The following FRMD4A variants were observed in gnomAD, a reference collection of about 807,000 sequenced individuals.
FRMD4A encodes FERM domain-containing protein 4A.
In FRMD4A, 29 loss-of-function variants were observed where a neutral mutation model predicts 129.1. That is an observed-to-expected ratio of 0.22 (90% CI 0.17 to 0.31). FRMD4A has a LOEUF of 0.31. Among genes scored for constraint, FRMD4A ranks in the 10% least tolerant of loss-of-function variants. The probability of loss-of-function intolerance (pLI) is 1.00; values close to 1 mark genes in which losing one functional copy is unlikely to be tolerated. For missense variants in FRMD4A, 1,272 were observed against 1,375.8 expected (o/e 0.92, Z 1.19); for synonymous variants, 634 against 571.6 (o/e 1.11, Z -1.56).
chr10:13,824,489 C>G (rs1403448828), intron 3 of FRMD4A, among the ~76,000 whole-genome samples: 2 of 151,318 alleles, frequency 1.3e-5, no homozygotes, highest in Non-Finnish European at 2.9e-5. Context: ...GACTCTATCT[C>G]AAAACAAAAA....
At chr10:14,007,819 T>G (rs1367690071) in intron 2 of FRMD4A, among the ~76,000 whole-genome samples, 1 of 152,198 alleles carries the variant, frequency 6.6e-6, no homozygotes, top group Non-Finnish European at 1.5e-5. Flanking sequence ...TCCCTCATAT[T>G]TCATCTCTAA....
At chr10:13,737,161 C>T (rs1325870842) in intron 12 of FRMD4A, among the ~76,000 whole-genome samples, 1 of 152,214 alleles carries the variant, frequency 6.6e-6, no homozygotes, top group Non-Finnish European at 1.5e-5. Flanking sequence ...GCAATCCTGG[C>T]TCACTGCAAT....
At chr10:13,648,379 G>A (rs1426949503) in intron 24 of FRMD4A, 3 of 152,178 alleles carry the variant, frequency 2.0e-5, no homozygotes, top group Non-Finnish European at 2.9e-5. Flanking sequence ...ACTTCTAATG[G>A]GAGAGGTGGT....
At chr10:13,995,924 C>G (rs899918574) in intron 2 of FRMD4A, among the ~76,000 whole-genome samples, 3 of 152,086 alleles carry the variant, frequency 2.0e-5, no homozygotes, top group Non-Finnish European at 4.4e-5. Flanking sequence ...CCTCGTCCTC[C>G]CTTTAAGGAT....
chr10:14,282,679 A>G (rs1564438595), intron 2 of FRMD4A, among the ~76,000 whole-genome samples: 1 of 152,198 alleles, frequency 6.6e-6, no homozygotes, highest in African/African-American at 2.4e-5. Flanking sequence ...GAAACTGAGA[A>G]ATCAATGGAG....
At chr10:14,206,171 G>T (rs907403269) in intron 2 of FRMD4A, among the ~76,000 whole-genome samples, 1 of 152,098 alleles carries the variant, frequency 6.6e-6, no homozygotes, top group African/African-American at 2.4e-5. Context: ...TCAATATTCA[G>T]AATAATCTAA....
At chr10:13,825,294 C>T (rs889201975) in intron 3 of FRMD4A, among the ~76,000 whole-genome samples, 3 of 152,134 alleles carry the variant, frequency 2.0e-5, no homozygotes, top group Admixed American at 6.5e-5. Flanking sequence ...ACTGAGATGG[C>T]TACTAACTGA....
chr10:13,818,219 C>T (rs2093575365), intron 3 of FRMD4A, among the ~76,000 whole-genome samples: 1 of 136,316 alleles, frequency 7.3e-6, no homozygotes, highest in Non-Finnish European at 1.6e-5. Flanking sequence ...GGCTGGAGTG[C>T]AGTGGTGCCA....
At chr10:14,038,817 C>T (rs1833626801) in intron 2 of FRMD4A, among the ~76,000 whole-genome samples, 1 of 152,192 alleles carries the variant, frequency 6.6e-6, no homozygotes. Flanking sequence ...CAAGCTGACC[C>T]CAGCACCTCA....
intron 11 of FRMD4A, among the ~76,000 whole-genome samples, chr10:13,739,334 A>G (rs1252887906): frequency 6.6e-6 from 1 of 152,226 alleles, no homozygotes; most frequent in African/African-American, 2.4e-5. Context: ...GAACAAGAGG[A>G]AACCCAATGC....
chr10:13,956,707 G>T (rs1016745270), intron 2 of FRMD4A, among the ~76,000 whole-genome samples: 4 of 152,180 alleles, frequency 2.6e-5, no homozygotes, highest in Non-Finnish European at 1.5e-5. Context: ...TTTCTGAGCG[G>T]CAGAGAAAAC....
intron 13 of FRMD4A, among the ~76,000 whole-genome samples, chr10:13,705,769 A>G (rs17627609): frequency 0.08 from 12,199 of 152,198 alleles, 625 homozygotes; most frequent in Non-Finnish European, 0.11. Context: ...CACCGGATAA[A>G]ATATTTTTCT....
chr10:13,993,483 G>C (rs1490978090), intron 2 of FRMD4A, among the ~76,000 whole-genome samples: 1 of 152,174 alleles, frequency 6.6e-6, no homozygotes, highest in Non-Finnish European at 1.5e-5. Context: ...GCAATCTCTA[G>C]TTTTAAGTAG....
chr10:14,257,455 A>G (rs1844656002), intron 2 of FRMD4A, among the ~76,000 whole-genome samples: 1 of 152,248 alleles, frequency 6.6e-6, no homozygotes, highest in Non-Finnish European at 1.5e-5. Flanking sequence ...AGCTATGTAT[A>G]TGGTCAGTGG....
intron 15 of FRMD4A, chr10:13,685,608 G>A: frequency 1.0e-6 from 1 of 983,722 alleles, no homozygotes; most frequent in Non-Finnish European, 1.2e-6. Context: ...GCAACAGAGG[G>A]CTGGCCCTAA....
intron 2 of FRMD4A, among the ~76,000 whole-genome samples, chr10:14,076,689 G>C (rs1835629537): frequency 6.6e-6 from 1 of 152,144 alleles, no homozygotes; most frequent in African/African-American, 2.4e-5. Flanking sequence ...ATGAACTTTG[G>C]GGTGGGGGAA....
intron 12 of FRMD4A, among the ~76,000 whole-genome samples, chr10:13,719,904 C>G (rs567721578): frequency 7.2e-5 from 11 of 152,298 alleles, no homozygotes; most frequent in African/African-American, 2.4e-4. Flanking sequence ...AAAATAAAAT[C>G]AAAGGAGAGC....
intron 13 of FRMD4A, among the ~76,000 whole-genome samples, 187 bp downstream of exon 13, chr10:13,706,850 G>C (rs1428744671): frequency 6.6e-6 from 1 of 151,508 alleles, no homozygotes; most frequent in Non-Finnish European, 1.5e-5. Context: ...CGAACCCACT[G>C]CATTTATCAA....
At position 13,700,213 on chromosome 10, in the gene FRMD4A, G is replaced by A. The variant is rs186277086; in HGVS notation, c.975+1127C>T. Among the ~76,000 whole-genome samples the A allele has an allele frequency of 1.8e-3, 270 of 151,738 alleles. 6 individuals carry two copies. Among genetic ancestry groups the A allele is most frequent in the Admixed American group, 1.2e-3 (19 of 15,252 alleles). On this transcript the variant is annotated intron_variant, in intron 14 of 24. Coordinates refer to ENST00000357447, the MANE Select transcript of FRMD4A (RefSeq NM_018027.5). ...TCCTCCTGCCTTGGCCTCCCGAAGC[G>A]CTGAGACTACAGATGTGAGCCACTG...
Sources: gnomAD v4.1 joint callset for allele counts (sites outside exome capture counted in the v4.1 genomes callset) on GRCh38, gnomAD v4.1.1 for gene constraint, MANE v1.5 for transcripts, NCBI Gene and HGNC (gene_info 2026-07-23, HGNC 2026-07-21) for gene names.